ZNF804B: variants seen among roughly 807,000 people sequenced by gnomAD.
The protein encoded by ZNF804B is zinc finger 804B.
Under a neutral mutation model 101.4 loss-of-function variants are expected in ZNF804B, and 80 were observed. The ratio of observed to expected loss-of-function variants is 0.79; its 90% CI spans 0.66 to 0.95. The LOEUF is 0.95. Ranked by LOEUF, ZNF804B falls within the 40% of genes least tolerant of loss-of-function variation. ZNF804B has a pLI of 0.00. For synonymous variants in ZNF804B, 622 were observed against 558.8 expected (o/e 1.11, Z -1.59); for missense variants, 1,673 against 1,561.9 (o/e 1.07, Z -1.20).
chr7:88,984,139 C>G lies in ZNF804B; in HGVS notation c.108+224055C>G, dbSNP rs751204577. Among the ~76,000 whole-genome samples the G allele has an allele frequency of 1.8e-4, 28 of 152,062 alleles. 1 individual carries two copies. Among genetic ancestry groups the G allele is most frequent in the Non-Finnish European group, 4.0e-4 (27 of 67,994 alleles). On this transcript the variant is annotated intron_variant, in intron 1 of 3. Transcript: ENST00000333190. The stretch of plus-strand genomic sequence containing the variant: ...CCAAGTCCATGCTTTTCCAGTTAAC[C>G]ATGCAGCCTTCACTCTAGCACAGAG...
rs1242442036 is a variant in ZNF804B, at chr7:89,156,070, T to TTCTC, written c.109-62081_109-62078dup. Among the ~76,000 whole-genome samples, 7 of 91,448 alleles carry TTCTC rather than the reference T, an allele frequency of 7.7e-5. No individual in the cohort carries two copies. In the East Asian group the frequency reaches 1.4e-3, roughly 19 times the overall value. The allele number at this position is 91,448 out of a possible 152,430, so 60.0% of individuals were successfully genotyped here. On this transcript the variant is annotated intron_variant, in intron 1 of 3. Coordinates refer to ENST00000333190, the MANE Select transcript of ZNF804B (RefSeq NM_181646.5). Reference sequence around the variant, plus strand: ...TTTCTTTCTTTCTTTCTTTCTTTCTTTCTCTCTTTCTCTCTTTCCTTTCTT... The same window carrying TTCTC: ...TTTCTTTCTTTCTTTCTTTCTTTCTTTCTCTCTCTCTTTCTCTCTTTCCTTTCTT...
intron 1 of ZNF804B, among the ~76,000 whole-genome samples, chr7:88,813,297 G>A (rs1408131892): frequency 6.6e-6 from 1 of 151,572 alleles, no homozygotes; most frequent in African/African-American, 2.4e-5. Flanking sequence ...CGTGGTGGCG[G>A]GCGCATGTAG....
In ZNF804B at chr7:89,238,601, T is replaced by C. The variant is rs73397202; in HGVS notation, c.249+20306T>C. ...TTTTCTGTGGGGTGCAGTTAAAAAA[T>C]CCCAAAAACCACTCAACTAGAGAAT... On this transcript the variant is annotated intron_variant, in intron 2 of 3. Transcript: ENST00000333190. 4.1e-3 allele frequency among the ~76,000 whole-genome samples: 630 copies of C among 152,278 alleles called. 1 individual carries two copies. Among genetic ancestry groups the C allele is most frequent in the African/African-American group, 0.014 (589 of 41,562 alleles).
Position 89,075,667 on chromosome 7 carries a change from C to T in ZNF804B, c.109-142488C>T, listed in dbSNP as rs192700311. Among the ~76,000 whole-genome samples the T allele has an allele frequency of 5.4e-4, 82 of 152,226 alleles. No individual in the cohort carries two copies. In the East Asian group the frequency reaches 0.012, roughly 23 times the overall value. Reference sequence around the variant, plus strand: ...TCACACAGAGTCCCTACTGGCGCACCGCCTAGTAGAGTATGAGAAGAAGGC... The same window carrying T: ...TCACACAGAGTCCCTACTGGCGCACTGCCTAGTAGAGTATGAGAAGAAGGC... On this transcript the variant is annotated intron_variant, in intron 1 of 3. Coordinates refer to ENST00000333190, the MANE Select transcript of ZNF804B (RefSeq NM_181646.5).
At chr7:89,183,786 C>G (rs1158977480) in intron 1 of ZNF804B, among the ~76,000 whole-genome samples, 1 of 152,190 alleles carries the variant, frequency 6.6e-6, no homozygotes, top group Non-Finnish European at 1.5e-5. Flanking sequence ...ATGCGTCTGT[C>G]TGCACATTCA....
chr7:88,966,475 A>C (rs1010455810), intron 1 of ZNF804B, among the ~76,000 whole-genome samples: 3 of 151,466 alleles, frequency 2.0e-5, no homozygotes, highest in Non-Finnish European at 4.4e-5. Flanking sequence ...TTTTAAAAGA[A>C]CTCCTGAAAA....
intron 1 of ZNF804B, among the ~76,000 whole-genome samples, chr7:89,097,887 G>A (rs2116334031): frequency 6.6e-6 from 1 of 152,060 alleles, no homozygotes; most frequent in Middle Eastern, 3.4e-3. Flanking sequence ...TTTTCTATAA[G>A]CTGCTTGTCT....
chr7:89,247,913 T>G (rs1789475947), intron 2 of ZNF804B, among the ~76,000 whole-genome samples: 1 of 152,138 alleles, frequency 6.6e-6, no homozygotes, highest in Non-Finnish European at 1.5e-5. Context: ...ATTAATCAGA[T>G]CTTCTGGAAT....
At chr7:89,072,574 T>C (rs941735555) in intron 1 of ZNF804B, among the ~76,000 whole-genome samples, 1 of 152,144 alleles carries the variant, frequency 6.6e-6, no homozygotes, top group Non-Finnish European at 1.5e-5. Flanking sequence ...ATGTACTCTC[T>C]TTTGGAGTAT....
intron 1 of ZNF804B, among the ~76,000 whole-genome samples, chr7:88,862,922 A>G (rs1223212807): frequency 1.3e-5 from 2 of 152,258 alleles, no homozygotes; most frequent in East Asian, 1.9e-4. Context: ...AGTGCTCTCT[A>G]TTCGTCATCC....
intron 3 of ZNF804B, among the ~76,000 whole-genome samples, chr7:89,331,334 T>G (rs1367814643): frequency 1.3e-5 from 2 of 151,700 alleles, no homozygotes; most frequent in Non-Finnish European, 1.5e-5. Context: ...TGTAATAAAG[T>G]CTCTACGCTC....
chr7:89,121,684 T>G (rs974523499), intron 1 of ZNF804B, among the ~76,000 whole-genome samples: 7 of 152,198 alleles, frequency 4.6e-5, no homozygotes, highest in Non-Finnish European at 8.8e-5. Context: ...TACTTTTAAT[T>G]AATAAAGAAT....
intron 1 of ZNF804B, among the ~76,000 whole-genome samples, chr7:88,772,235 T>A (rs894419608): frequency 6.6e-6 from 1 of 152,208 alleles, no homozygotes; most frequent in Non-Finnish European, 1.5e-5. Flanking sequence ...CACTGATGAT[T>A]TGCTTTCCTG....
In ZNF804B at chr7:89,298,216, GTATATATATATATATATATATA is replaced by G. The variant is rs1171165341; in HGVS notation, c.250-29107_250-29086del. Among the ~76,000 whole-genome samples the G allele has an allele frequency of 5.1e-3, 141 of 27,534 alleles. 2 individuals are homozygous for G. The highest frequency in any genetic ancestry group is 0.045 in the Middle Eastern group (1 of 22). 18.1% of individuals were successfully genotyped at this position (27,534 alleles called of 152,430 possible). On this transcript the variant is annotated intron_variant, in intron 2 of 3. Coordinates refer to ENST00000333190, the MANE Select transcript of ZNF804B (RefSeq NM_181646.5). ...ATATCTATATAGTGTGTGTGTGTGT[GTATATATATATATATATATATA>G]TATATATATATATATATATACTTTA...
chr7:89,039,419 C>T (rs2116245795), intron 1 of ZNF804B, among the ~76,000 whole-genome samples: 1 of 151,866 alleles, frequency 6.6e-6, no homozygotes, highest in South Asian at 2.1e-4. Flanking sequence ...AGATCTTTCA[C>T]CTCCTTGATT....
chr7:89,067,116 T>C (rs1789466004), intron 1 of ZNF804B, among the ~76,000 whole-genome samples: 1 of 152,162 alleles, frequency 6.6e-6, no homozygotes, highest in Non-Finnish European at 1.5e-5. Context: ...GCTGATAAGC[T>C]ACCGATCAAT....
At chr7:88,942,246 G>T (rs1346842355) in intron 1 of ZNF804B, among the ~76,000 whole-genome samples, 1 of 151,844 alleles carries the variant, frequency 6.6e-6, no homozygotes, top group Non-Finnish European at 1.5e-5. Context: ...CTCCTCATTA[G>T]ACTACATTCA....
intron 1 of ZNF804B, among the ~76,000 whole-genome samples, chr7:89,016,254 T>C (rs1788554959): frequency 6.6e-6 from 1 of 152,140 alleles, no homozygotes; most frequent in African/African-American, 2.4e-5. Flanking sequence ...GTCAGATGAG[T>C]AGGTTGCAAA....
At chr7:89,254,268 A>C (rs1789590557) in intron 2 of ZNF804B, among the ~76,000 whole-genome samples, 1 of 152,154 alleles carries the variant, frequency 6.6e-6, no homozygotes, top group Non-Finnish European at 1.5e-5. Flanking sequence ...TTACTAGATA[A>C]ATATTAATAT....
Sources: allele counts gnomAD v4.1 joint callset (sites outside exome capture counted in the v4.1 genomes callset), GRCh38; gene constraint gnomAD v4.1.1; transcripts MANE v1.5; gene names NCBI Gene and HGNC (gene_info 2026-07-23, HGNC 2026-07-21).